Variants in ISG20L2 observed in about 807,000 individuals in gnomAD.
The protein encoded by ISG20L2 is interferon stimulated exonuclease gene 20 like 2, also known as interferon-stimulated 20 kDa exonuclease-like 2.
Under a neutral mutation model 27.8 loss-of-function variants are expected in ISG20L2, and 14 were observed. That is an observed-to-expected ratio of 0.50 (90% CI 0.33 to 0.79). The LOEUF is 0.79. ISG20L2 is among the 30% of genes least tolerant of loss of function. The pLI is 0.02. For missense variants in ISG20L2, 393 were observed against 435.1 expected (o/e 0.90, Z 0.86); for synonymous variants, 157 against 165.7 (o/e 0.95, Z 0.40).
rs1648806672 is a variant in ISG20L2 at position 156,727,032 on chromosome 1, G to A, written c.621C>T (p.Asn207=). 3 of 1,614,058 alleles carry A rather than the reference G, an allele frequency of 1.9e-6. No individual in the cohort carries two copies. The highest frequency in any genetic ancestry group is 2.7e-5 in the African/African-American group (2 of 74,920). ...SLARCSIVNY[N]GDVLYDEYIL... is the part of the protein sequence containing the mutation. ...TGTACTCGTCATAAAGCACATCTCC[G>A]TTGTAGTTGACAATGCTACATCGAG... Residue 207 remains asparagine, a synonymous_variant, in exon 2 of 4, where the codon AAC becomes AAT. Transcript: ENST00000368219.
Position 156,726,317 on chromosome 1 carries a change from T to C in ISG20L2, c.747+589A>G, listed in dbSNP as rs150568068. 3.9e-5 allele frequency: 38 copies of C among 985,456 alleles called. 1 individual carries two copies. The East Asian group carries it at 4.2e-3, about 109-fold the overall frequency. The allele number at this position is 985,456 out of a possible 1,614,324, so 61.0% of individuals were successfully genotyped here. On this transcript the variant is annotated intron_variant, in intron 2 of 3. Transcript: ENST00000368219. ...CGCAAGGTTTTTCCAAATCAAGCCC[T>C]TTCTCCTGACACTGGTGTCTGCAGC...
chr1:156,723,883 T>C, intron 3 of ISG20L2: 9 of 1,310,734 alleles, frequency 6.9e-6, no homozygotes, highest in Non-Finnish European at 8.8e-6. Flanking sequence ...CTACACGGTC[T>C]CTTGGACCAC....
chr1:156,728,008 G>A (rs1240407562), intron 1 of ISG20L2: 4 of 1,042,428 alleles, frequency 3.8e-6, no homozygotes, highest in Non-Finnish European at 1.2e-6. Flanking sequence ...CCGCGCTCTA[G>A]GTTTGAGTCT....
chr1:156,726,766 G>A, intron 2 of ISG20L2, 140 bp downstream of exon 2: 1 of 1,456,522 alleles, frequency 6.9e-7, no homozygotes, highest in Non-Finnish European at 9.0e-7. Flanking sequence ...CCGACAGGGG[G>A]CCTTCTTCAA....
rs776242858 is a variant in ISG20L2 at position 156,727,252 on chromosome 1, G to T, written c.401C>A (p.Thr134Asn). The T allele has an allele frequency of 6.2e-7, 1 of 1,614,104 alleles. No homozygotes were observed. Among genetic ancestry groups the T allele is most frequent in the South Asian group, 1.1e-5 (1 of 91,086 alleles). Residue 134 changes from threonine (T) to asparagine (N), a missense_variant, in exon 2 of 4, where the codon ACC becomes AAC. Coordinates refer to ENST00000368219, the MANE Select transcript of ISG20L2 (RefSeq NM_001370150.2). Reference protein sequence around the residue: ...SALPKINSHPTRSQKKSSQKK... With the variant: ...SALPKINSHPNRSQKKSSQKK... Reference sequence around the variant, plus strand: ...CTGGGAGCTCTTCTTCTGAGAGCGGGTTGGGTGGCTATTGATCTTTGGAAG... The same window carrying T: ...CTGGGAGCTCTTCTTCTGAGAGCGGTTTGGGTGGCTATTGATCTTTGGAAG...
In ISG20L2 at chr1:156,726,929, G is replaced by GT; in HGVS notation, c.723dup (p.Pro242ThrfsTer41). The GT allele has an allele frequency of 6.2e-7, 1 of 1,614,086 alleles. No individual in the cohort carries two copies. Among genetic ancestry groups the GT allele is most frequent in the Non-Finnish European group, 8.5e-7 (1 of 1,179,950 alleles). On this transcript the variant is annotated frameshift_variant, in exon 2 of 4. Transcript: ENST00000368219. LOFTEE classifies it high-confidence loss of function. The stretch of plus-strand genomic sequence containing the variant: ...ACCTGGCCTCGAGCAATCTTGAAGG[G>GT]TGTGGCATTCACCATGTGCTGCTTC...
In ISG20L2 at chr1:156,724,690, G is replaced by A. The variant is rs376487125; in HGVS notation, c.748-342C>T. The A allele has an allele frequency of 1.2e-4, 126 of 1,042,826 alleles. 1 individual carries two copies. The Middle Eastern group carries it at 3.7e-3, about 30-fold the overall frequency. The allele number at this position is 1,042,826 out of a possible 1,614,324, so 64.6% of individuals were successfully genotyped here. ...GTTCAGTTCTGGCTTGCTACATGAA[G>A]TCCTTTAACTATTACCATTATGTTG... On this transcript the variant is annotated intron_variant, in intron 2 of 3. Coordinates refer to ENST00000368219, the MANE Select transcript of ISG20L2 (RefSeq NM_001370150.2).
intron 2 of ISG20L2, 122 bp downstream of exon 2, chr1:156,726,784 T>TA (rs758127314): frequency 2.8e-5 from 42 of 1,485,004 alleles, no homozygotes; most frequent in Non-Finnish European, 3.6e-5. Flanking sequence ...CAACAACTGA[T>TA]AGATTCTCCT....
At position 156,724,362 on chromosome 1, in the gene ISG20L2, G is replaced by A; in HGVS notation, c.748-14C>T. 1 of 1,597,544 alleles carries A rather than the reference G, an allele frequency of 6.3e-7. No homozygotes were observed. Among genetic ancestry groups the A allele is most frequent in the Non-Finnish European group, 8.6e-7 (1 of 1,167,586 alleles). On this transcript the variant is annotated splice_polypyrimidine_tract_variant and intron_variant, in intron 2 of 3. Coordinates refer to ENST00000368219, the MANE Select transcript of ISG20L2 (RefSeq NM_001370150.2). ...TATCTTCAAGATCTGGAAGAAGTGT[G>A]GGAAGAGAGTGGTGAGAAGGAAGAC...
rs61736207 is a variant in ISG20L2 at position 156,724,232 on chromosome 1, G to A, written c.864C>T (p.Pro288=). 23 of 1,613,814 alleles carry A rather than the reference G, an allele frequency of 1.4e-5. No individual in the cohort carries two copies. Among genetic ancestry groups the A allele is most frequent in the Middle Eastern group, 1.6e-4 (1 of 6,082 alleles). ...CCGGGCAGTCAGCCTTCCGGTTGAG[G>A]GGGGGGATATGGGAGGTGTCACGGG... ...SLTRDTSHIP[P]LNRKADCPEN... Residue 288 remains proline, a synonymous_variant, in exon 3 of 4, where the codon CCC becomes CCT. Coordinates refer to ENST00000368219, the MANE Select transcript of ISG20L2 (RefSeq NM_001370150.2).
At chr1:156,724,086 G>C in intron 3 of ISG20L2, 62 bp downstream of exon 3, 1 of 1,434,692 alleles carries the variant, frequency 7.0e-7, no homozygotes, top group South Asian at 1.2e-5. Flanking sequence ...ATCAGAGTCT[G>C]GCTAGGGGCA....
At chr1:156,725,983 T>A in intron 2 of ISG20L2, 1 of 985,556 alleles carries the variant, frequency 1.0e-6, no homozygotes, top group Non-Finnish European at 1.2e-6. Flanking sequence ...GGCGGCCTCC[T>A]GAGACCAGCA....
chr1:156,726,515 A>G, intron 2 of ISG20L2: 1 of 788,168 alleles, frequency 1.3e-6, no homozygotes, highest in Non-Finnish European at 1.5e-6. Context: ...TGCAGCCTCG[A>G]CCTCCTGAGT....
Position 156,728,503 on chromosome 1 carries a change from G to C in ISG20L2, c.-206C>G. 7.1e-6 allele frequency: 7 copies of C among 985,604 alleles called. No individual in the cohort carries two copies. The highest frequency in any genetic ancestry group is 8.4e-6 in the Non-Finnish European group (7 of 829,910). 61.1% of individuals were successfully genotyped at this position (985,604 alleles called of 1,614,324 possible). The stretch of plus-strand genomic sequence containing the variant: ...CGACGAAGCCCGGGAAGGCAGGCGC[G>C]CGGGTTAGAACGCGCCAGAGGTCGG... On this transcript the variant is annotated 5_prime_UTR_variant, in exon 1 of 4. Coordinates refer to ENST00000368219, the MANE Select transcript of ISG20L2 (RefSeq NM_001370150.2).
intron 2 of ISG20L2, chr1:156,726,605 A>G: frequency 1.1e-6 from 1 of 890,860 alleles, no homozygotes; most frequent in Non-Finnish European, 1.3e-6. Context: ...ACAGGGCTTG[A>G]GTTCCTGGGC....
At chr1:156,724,893 C>T (rs1416692258) in intron 2 of ISG20L2, 1 of 154,896 alleles carries the variant, frequency 6.5e-6, no homozygotes, top group Non-Finnish European at 1.4e-5. Context: ...GCAGAAGCAA[C>T]CTTATTCACA....
chr1:156,723,522 T>C, intron 3 of ISG20L2, 60 bp from the exon 4 acceptor site: 1 of 1,602,482 alleles, frequency 6.2e-7, no homozygotes, highest in Non-Finnish European at 8.5e-7. Flanking sequence ...TCCTTCCCAG[T>C]GTACTCTCTG....
At chr1:156,726,753 C>G (rs887861916) in intron 2 of ISG20L2, 153 bp downstream of exon 2, 1 of 985,440 alleles carries the variant, frequency 1.0e-6, no homozygotes, top group Non-Finnish European at 1.2e-6. Flanking sequence ...ACTGCTTCTT[C>G]CACCGACAGG....
Position 156,724,206 on chromosome 1 carries a change from T to C in ISG20L2, c.890A>G (p.Glu297Gly), listed in dbSNP as rs776089491. The part of the protein sequence containing the change: ...PPLNRKADCP[E>G]NATMSLKHLT... Reference sequence around the variant, plus strand: ...ATGCTTCAGAGACATGGTGGCATTCTCCGGGCAGTCAGCCTTCCGGTTGAG... The same window carrying C: ...ATGCTTCAGAGACATGGTGGCATTCCCCGGGCAGTCAGCCTTCCGGTTGAG... Residue 297 changes from glutamate to glycine, a missense_variant, in exon 3 of 4, where the codon GAG becomes GGG. Around this residue, in one of 3 missense-constraint regions of ISG20L2, gnomAD observed 171 missense variants for 195.3 expected, o/e 0.88. Coordinates refer to ENST00000368219, the MANE Select transcript of ISG20L2 (RefSeq NM_001370150.2). 2.5e-6 allele frequency: 4 copies of C among 1,591,016 alleles called. No individual in the cohort carries two copies. In the South Asian group the frequency reaches 3.3e-5, roughly 13 times the overall value.
Sources: allele counts gnomAD v4.1 joint callset, GRCh38; gene constraint gnomAD v4.1.1; regional missense constraint gnomAD v4.1.1; transcripts MANE v1.5; gene names NCBI Gene and HGNC (gene_info 2026-07-23, HGNC 2026-07-21).